Variants in ANKRD29 observed in about 807,000 individuals in gnomAD.
ANKRD29 encodes the protein ankyrin repeat domain-containing protein 29.
In ANKRD29, 32 loss-of-function variants were observed where a neutral mutation model predicts 38.0. The observed-to-expected ratio is 0.84, with a 90% CI of 0.64 to 1.13. ANKRD29 has a LOEUF of 1.13. Ranked by LOEUF, ANKRD29 falls within the 50% of genes most tolerant of loss-of-function variation. The pLI is 0.00. For missense variants in ANKRD29, 357 were observed against 377.9 expected, an observed-to-expected ratio of 0.94 and a Z score of 0.46; for synonymous variants, 135 against 152.4, an observed-to-expected ratio of 0.89 and a Z score of 0.84.
At chr18:23,648,731 C>G (rs920330147) in intron 2 of ANKRD29, 2 of 402,094 alleles carry the variant, frequency 5.0e-6, no homozygotes, top group East Asian at 7.1e-5. Flanking sequence ...CCATGGCAGC[C>G]CACTTGTGCT....
At chr18:23,631,255 T>G (rs1418302432) in intron 5 of ANKRD29, among the ~76,000 whole-genome samples, 1 of 151,596 alleles carries the variant, frequency 6.6e-6, no homozygotes, top group Non-Finnish European at 1.5e-5. Flanking sequence ...TTTTTTTTTT[T>G]TTGAGACAGG....
Position 23,610,082 on chromosome 18 carries a change from GA to G in ANKRD29, c.822+2009del, listed in dbSNP as rs568116692. Among the ~76,000 whole-genome samples, 402 of 152,282 alleles carry G rather than the reference GA, an allele frequency of 2.6e-3. 2 individuals are homozygous for G. The highest frequency in any genetic ancestry group is 8.8e-3 in the African/African-American group (367 of 41,554). On this transcript the variant is annotated intron_variant, in intron 9 of 9. Transcript: ENST00000592179. ...ATTAAAAAAAAATTTAACACAGTAA[GA>G]TATGCTTAGAAAAATTCAGAGTATG...
At chr18:23,632,555 C>G (rs2059948318) in intron 5 of ANKRD29, among the ~76,000 whole-genome samples, 1 of 75,230 alleles carries the variant, frequency 1.3e-5, no homozygotes, top group Non-Finnish European at 2.9e-5. Flanking sequence ...ATATTACACA[C>G]TCTCAGATAT....
chr18:23,607,531 C>A (rs2059588783), intron 9 of ANKRD29, among the ~76,000 whole-genome samples: 2 of 152,128 alleles, frequency 1.3e-5, no homozygotes, highest in Non-Finnish European at 2.9e-5. Context: ...CCTTGTGTGA[C>A]CATCTCCATG....
intron 9 of ANKRD29, among the ~76,000 whole-genome samples, chr18:23,603,618 G>A (rs1462892528): frequency 6.6e-6 from 1 of 152,196 alleles, no homozygotes; most frequent in Non-Finnish European, 1.5e-5. Flanking sequence ...GAGTGATAGT[G>A]AGAGAGACTC....
At chr18:23,617,525 A>G (rs1012771189) in intron 8 of ANKRD29, among the ~76,000 whole-genome samples, 2 of 151,700 alleles carry the variant, frequency 1.3e-5, no homozygotes, top group Non-Finnish European at 2.9e-5. Context: ...AAAACTAGGT[A>G]ATGACAGACT....
intron 6 of ANKRD29, 161 bp from the exon 7 acceptor site, chr18:23,619,790 T>G: frequency 1.7e-6 from 1 of 587,598 alleles, no homozygotes; most frequent in Non-Finnish European, 2.9e-6. Context: ...CAGGAGGCAG[T>G]GAGAAAAGAG....
At position 23,598,983 on chromosome 18, in the gene ANKRD29, A is replaced by G. The variant is rs562506928; in HGVS notation, c.*2243T>C. 8 of 152,360 alleles carry G rather than the reference A, an allele frequency of 5.3e-5. No individual in the cohort carries two copies. The South Asian group carries it at 1.4e-3, about 28-fold the overall frequency. The allele number at this position is 152,360 out of a possible 1,614,324, so 9.4% of individuals were successfully genotyped here. On this transcript the variant is annotated 3_prime_UTR_variant, in exon 10 of 10. Coordinates refer to ENST00000592179, the MANE Select transcript of ANKRD29 (RefSeq NM_173505.4). ...TATATAACATGGAATATGTCATCAA[A>G]GAATGAATTAATGAAAAACGTTTGT...
chr18:23,630,230 GC>G (rs1307663432), intron 5 of ANKRD29, among the ~76,000 whole-genome samples: 1 of 152,194 alleles, frequency 6.6e-6, no homozygotes, highest in Non-Finnish European at 1.5e-5. Flanking sequence ...TTCGAGACCA[GC>G]CTGGCCAACA....
At chr18:23,622,922 A>T (rs2059814447) in intron 6 of ANKRD29, among the ~76,000 whole-genome samples, 1 of 152,130 alleles carries the variant, frequency 6.6e-6, no homozygotes, top group African/African-American at 2.4e-5. Flanking sequence ...CAAATATATC[A>T]TCTTAATTGG....
At chr18:23,631,325 C>A (rs902491517) in intron 5 of ANKRD29, among the ~76,000 whole-genome samples, 17 of 151,666 alleles carry the variant, frequency 1.1e-4, no homozygotes, top group African/African-American at 3.4e-4. Context: ...AATGCAGCGT[C>A]AACTTCCTCA....
chr18:23,617,215 T>C (rs112833448), intron 8 of ANKRD29, among the ~76,000 whole-genome samples: 13,958 of 152,080 alleles, frequency 0.092, 958 homozygotes, highest in Admixed American at 0.22. Flanking sequence ...AGACTCCATC[T>C]CAAAAAAGCA....
chr18:23,616,565 C>T (rs2914966), intron 8 of ANKRD29, among the ~76,000 whole-genome samples: 71,304 of 137,902 alleles, frequency 0.52, 20,042 homozygotes, highest in East Asian at 0.8. Context: ...TATATATATA[C>T]ACTATATATA....
At chr18:23,643,415 A>T (rs924478365) in intron 3 of ANKRD29, among the ~76,000 whole-genome samples, 1 of 152,216 alleles carries the variant, frequency 6.6e-6, no homozygotes, top group African/African-American at 2.4e-5. Flanking sequence ...CCTTCTCAAT[A>T]GATATTAAAT....
intron 1 of ANKRD29, among the ~76,000 whole-genome samples, chr18:23,654,749 G>GC (rs1354218170): frequency 6.6e-6 from 1 of 151,162 alleles, no homozygotes; most frequent in African/African-American, 2.4e-5. Flanking sequence ...CTCCCTACTT[G>GC]CCCCCTTCCA....
intron 8 of ANKRD29, among the ~76,000 whole-genome samples, chr18:23,614,827 T>C (rs1400467671): frequency 6.6e-6 from 1 of 151,992 alleles, no homozygotes; most frequent in African/African-American, 2.4e-5. Flanking sequence ...ATCCAAAAAG[T>C]GTCTGGGGTC....
intron 4 of ANKRD29, among the ~76,000 whole-genome samples, chr18:23,637,189 G>A (rs908677838): frequency 6.6e-6 from 1 of 152,210 alleles, no homozygotes; most frequent in Non-Finnish European, 1.5e-5. Context: ...TTCGTTCAAA[G>A]AGTTGAGATT....
chr18:23,638,283 A>T (rs1342761015), intron 4 of ANKRD29, among the ~76,000 whole-genome samples: 1 of 152,128 alleles, frequency 6.6e-6, no homozygotes, highest in East Asian at 1.9e-4. Context: ...TACAGGCATG[A>T]ACCACCGCGC....
intron 4 of ANKRD29, among the ~76,000 whole-genome samples, chr18:23,637,446 G>T (rs1450336602): frequency 1.3e-5 from 2 of 152,170 alleles, no homozygotes; most frequent in African/African-American, 4.8e-5. Flanking sequence ...GACCCAGGCT[G>T]GAGTGCAGTG....
Sources: allele counts gnomAD v4.1 joint callset (sites outside exome capture counted in the v4.1 genomes callset), GRCh38; gene constraint gnomAD v4.1.1; transcripts MANE v1.5; gene names NCBI Gene and HGNC (gene_info 2026-07-23, HGNC 2026-07-21).